GLRA3: variants seen among roughly 807,000 people sequenced by gnomAD.
GLRA3 encodes glycine receptor subunit alpha-3.
GLRA3 carries 44 observed loss-of-function variants against 60.4 expected under a neutral mutation model. The ratio of observed to expected loss-of-function variants is 0.73; its 90% CI spans 0.57 to 0.94. The LOEUF (loss-of-function observed/expected upper bound fraction) is 0.94, where lower values mean the gene tolerates loss of function less well. Ranked by LOEUF, GLRA3 falls within the 40% of genes least tolerant of loss-of-function variation. GLRA3 has a pLI of 0.00. For missense variants in GLRA3, 508 were observed against 564.6 expected, an observed-to-expected ratio of 0.90 and a Z score of 1.02; for synonymous variants, 223 against 192.9, an observed-to-expected ratio of 1.16 and a Z score of -1.29.
Position 174,704,795 on chromosome 4 carries a change from T to C in GLRA3, c.574+10693A>G, listed in dbSNP as rs751183374. Among the ~76,000 whole-genome samples the C allele has an allele frequency of 3.5e-5, 5 of 143,808 alleles. 1 individual carries two copies. Among genetic ancestry groups the C allele is most frequent in the Non-Finnish European group, 6.2e-5 (4 of 64,802 alleles). The allele number at this position is 143,808 out of a possible 152,430, so 94.3% of individuals were successfully genotyped here. A position where few individuals can be genotyped will look rare whatever the true frequency, so the allele number is the denominator to read the frequency against. On this transcript the variant is annotated intron_variant, in intron 5 of 9. Transcript: ENST00000274093. ...GAAAATCCTGACATATACTATAACA[T>C]AGATAAACTTTGAGAACTTTGTTAA...
At chr4:174,752,400 C>T (rs11945237) in intron 3 of GLRA3, among the ~76,000 whole-genome samples, 27,721 of 152,058 alleles carry the variant, frequency 0.18, 2,981 homozygotes, top group Admixed American at 0.25. Flanking sequence ...TGGCTATTCT[C>T]TTATTACCTC....
intron 5 of GLRA3, among the ~76,000 whole-genome samples, chr4:174,714,423 AG>A (rs1735830856): frequency 6.6e-6 from 1 of 152,184 alleles, no homozygotes; most frequent in Non-Finnish European, 1.5e-5. Flanking sequence ...CATTTACGTT[AG>A]TACTTTATCC....
intron 5 of GLRA3, chr4:174,713,688 C>T (rs1046540111): frequency 2.6e-5 from 4 of 152,144 alleles, no homozygotes; most frequent in African/African-American, 9.7e-5. Context: ...AATTTGCCAT[C>T]TTTGCCTTTG....
At chr4:174,742,829 A>G (rs1273088417) in intron 3 of GLRA3, among the ~76,000 whole-genome samples, 2 of 152,160 alleles carry the variant, frequency 1.3e-5, no homozygotes, top group Non-Finnish European at 1.5e-5. Flanking sequence ...GTGAAACTCA[A>G]TCTATGTCCC....
rs1346102177 is a variant in GLRA3, at chr4:174,638,077, G to T, written c.*5709C>A. 2 of 151,520 alleles carry T rather than the reference G, an allele frequency of 1.3e-5. No individual in the cohort carries two copies. Among genetic ancestry groups the T allele is most frequent in the Non-Finnish European group, 2.9e-5 (2 of 68,002 alleles). 9.4% of individuals were successfully genotyped at this position (151,520 alleles called of 1,614,324 possible). A position where few individuals can be genotyped will look rare whatever the true frequency, so the allele number is the denominator to read the frequency against. ...TATAGGAGGGGAATAAACTTACTTG[G>T]TATTTTAGGAAGTAAAAGTCATTTC... On this transcript the variant is annotated 3_prime_UTR_variant, in exon 10 of 10. Transcript: ENST00000274093.
At chr4:174,787,681 A>G (rs1371540118) in intron 2 of GLRA3, among the ~76,000 whole-genome samples, 1 of 149,206 alleles carries the variant, frequency 6.7e-6, no homozygotes, top group Non-Finnish European at 1.5e-5. Context: ...TCTCATTTTC[A>G]TTTGTATATT....
At chr4:174,778,311 T>A (rs1392511183) in intron 2 of GLRA3, among the ~76,000 whole-genome samples, 2 of 152,176 alleles carry the variant, frequency 1.3e-5, no homozygotes, top group Admixed American at 1.3e-4. Flanking sequence ...ATTTTCATTT[T>A]CAAAATAAAA....
chr4:174,761,480 C>A (rs1482544072), intron 3 of GLRA3, among the ~76,000 whole-genome samples: 1 of 152,080 alleles, frequency 6.6e-6, no homozygotes, highest in Non-Finnish European at 1.5e-5. Context: ...TACACCGACA[C>A]CTGAAAAACT....
chr4:174,796,258 A>G (rs564278929), intron 1 of GLRA3, among the ~76,000 whole-genome samples: 1 of 152,090 alleles, frequency 6.6e-6, no homozygotes, highest in Non-Finnish European at 1.5e-5. Context: ...AAACCAGACA[A>G]TTTGCTGGTG....
At chr4:174,664,299 A>G (rs930680391) in intron 7 of GLRA3, among the ~76,000 whole-genome samples, 4 of 152,030 alleles carry the variant, frequency 2.6e-5, no homozygotes, top group African/African-American at 9.7e-5. Flanking sequence ...TCCTGACTAA[A>G]GCCCCCTTTA....
At chr4:174,776,964 G>C (rs1184064017) in intron 2 of GLRA3, among the ~76,000 whole-genome samples, 1 of 152,116 alleles carries the variant, frequency 6.6e-6, no homozygotes, top group Non-Finnish European at 1.5e-5. Flanking sequence ...TGTAACTGAG[G>C]ACAAATCTGA....
intron 5 of GLRA3, among the ~76,000 whole-genome samples, chr4:174,695,862 C>T (rs1735030895): frequency 6.6e-6 from 1 of 152,042 alleles, no homozygotes; most frequent in African/African-American, 2.4e-5. Context: ...CTCAAAAGTT[C>T]CTCCAGCTGA....
intron 5 of GLRA3, among the ~76,000 whole-genome samples, chr4:174,688,592 G>A (rs1734651475): frequency 6.8e-6 from 1 of 146,256 alleles, no homozygotes; most frequent in South Asian, 2.1e-4. Context: ...GTGTGTGTGT[G>A]TGTGTGTGTG....
intron 9 of GLRA3, among the ~76,000 whole-genome samples, chr4:174,645,176 G>A (rs1182401789): frequency 6.6e-6 from 1 of 152,092 alleles, no homozygotes; most frequent in African/African-American, 2.4e-5. Context: ...CACTTTGGGA[G>A]GCTGAGGCAG....
intron 9 of GLRA3, among the ~76,000 whole-genome samples, chr4:174,652,108 G>T (rs1027550945): frequency 6.6e-6 from 1 of 152,010 alleles, no homozygotes; most frequent in African/African-American, 2.4e-5. Flanking sequence ...TAAATTAGAA[G>T]AAGCACTGAA....
intron 3 of GLRA3, among the ~76,000 whole-genome samples, chr4:174,756,037 A>G (rs1055062116): frequency 1.3e-5 from 2 of 152,182 alleles, no homozygotes; most frequent in African/African-American, 4.8e-5. Flanking sequence ...TCATTGAAAA[A>G]CAAAACTATT....
In GLRA3 at chr4:174,637,789, ATTTAAT is replaced by A. The variant is rs1732532777; in HGVS notation, c.*5991_*5996del. 1 of 152,154 alleles carries A rather than the reference ATTTAAT, an allele frequency of 6.6e-6. No individual in the cohort carries two copies. Among genetic ancestry groups the A allele is most frequent in the African/African-American group, 2.4e-5 (1 of 41,458 alleles). The allele number at this position is 152,154 out of a possible 1,614,324, so 9.4% of individuals were successfully genotyped here. A position where few individuals can be genotyped will look rare whatever the true frequency, so the allele number is the denominator to read the frequency against. On this transcript the variant is annotated 3_prime_UTR_variant, in exon 10 of 10. Coordinates refer to ENST00000274093, the MANE Select transcript of GLRA3 (RefSeq NM_006529.4). ...TCATATCTGAAATAAATTTAAAAAT[ATTTAAT>A]TTAAATTTATTGCTGTTATAGGAAG...
At position 174,642,309 on chromosome 4, in the gene GLRA3, G is replaced by A. The variant is rs1732644807; in HGVS notation, c.*1477C>T. ...TTGTTAAAGAACTGGCTTTTCTATT[G>A]TACATCTGAGTTCATTGTTTTCTTA... On this transcript the variant is annotated 3_prime_UTR_variant, in exon 10 of 10. Coordinates refer to ENST00000274093, the MANE Select transcript of GLRA3 (RefSeq NM_006529.4). 3.1e-6 allele frequency: 3 copies of A among 958,846 alleles called. No individual in the cohort carries two copies. The highest frequency in any genetic ancestry group is 3.7e-6 in the Non-Finnish European group (3 of 811,972). 59.4% of individuals were successfully genotyped at this position (958,846 alleles called of 1,614,324 possible).
At chr4:174,687,596 G>C (rs138666283) in intron 5 of GLRA3, among the ~76,000 whole-genome samples, 419 of 152,244 alleles carry the variant, frequency 2.8e-3, no homozygotes, top group African/African-American at 9.3e-3. Flanking sequence ...GTCATGTTAA[G>C]GGAACAACAG....
Sources: gnomAD v4.1 joint callset for allele counts (sites outside exome capture counted in the v4.1 genomes callset) on GRCh38, gnomAD v4.1.1 for gene constraint, MANE v1.5 for transcripts, NCBI Gene and HGNC (gene_info 2026-07-23, HGNC 2026-07-21) for gene names.